Variants in HK1 observed in about 807,000 individuals in gnomAD.
The protein encoded by HK1 is hexokinase 1.
In HK1, 28 loss-of-function variants were observed where a neutral mutation model predicts 91.6. The observed-to-expected ratio is 0.31, with a 90% CI of 0.23 to 0.42. The LOEUF (loss-of-function observed/expected upper bound fraction) is 0.42, where lower values mean the gene tolerates loss of function less well. Ranked by LOEUF, HK1 falls within the 10% of genes least tolerant of loss-of-function variation. The pLI is 1.00. For missense variants in HK1, 770 were observed against 1,219.8 expected (o/e 0.63, Z 5.49); for synonymous variants, 430 against 468.1 (o/e 0.92, Z 1.05).
chr10:69,330,391 T>G (rs1289201108), intron 1 of HK1, among the ~76,000 whole-genome samples: 1 of 151,842 alleles, frequency 6.6e-6, no homozygotes, highest in Non-Finnish European at 1.5e-5. Context: ...ATCTTACATA[T>G]GGGGCAGGTG....
At chr10:69,326,853 A>C (rs1334355576) in intron 1 of HK1, among the ~76,000 whole-genome samples, 1 of 152,066 alleles carries the variant, frequency 6.6e-6, no homozygotes, top group African/African-American at 2.4e-5. Context: ...CTTTTCATGC[A>C]TGTTTTTACG....
At chr10:69,324,608 G>T (rs1426326920) in intron 1 of HK1, among the ~76,000 whole-genome samples, 2 of 152,136 alleles carry the variant, frequency 1.3e-5, no homozygotes, top group Admixed American at 1.3e-4. Context: ...AAAAAATGAA[G>T]TATTTGCTGT....
At chr10:69,301,105 G>A (rs992644342) in intron 5 of HK1, among the ~76,000 whole-genome samples, 7 of 152,010 alleles carry the variant, frequency 4.6e-5, no homozygotes, top group African/African-American at 1.7e-4. Flanking sequence ...AATTAGCCGG[G>A]TGTAGTGTTG....
chr10:69,289,460 A>ATTT (rs1564755510), intron 3 of HK1, among the ~76,000 whole-genome samples: 1,612 of 92,972 alleles, frequency 0.017, 82 homozygotes, highest in African/African-American at 0.021. Flanking sequence ...TAAAAAAAAA[A>ATTT]ATTTTTTTTT....
At chr10:69,275,452 ATT>A (rs1376935725) in intron 1 of HK1, among the ~76,000 whole-genome samples, 24 of 152,146 alleles carry the variant, frequency 1.6e-4, no homozygotes, top group Middle Eastern at 3.4e-3. Context: ...AAATTTGATC[ATT>A]TTGTTAATTT....
intron 1 of HK1, among the ~76,000 whole-genome samples, chr10:69,325,115 G>A (rs1187228099): frequency 9.3e-5 from 13 of 140,100 alleles, no homozygotes; most frequent in Non-Finnish European, 1.7e-4. Flanking sequence ...GCAGTGGCAC[G>A]ATCTCAGCTC....
At chr10:69,300,806 A>G (rs73263665) in exon 5 of HK1, 2 of 1,610,886 alleles carry the variant, frequency 1.2e-6, no homozygotes, top group East Asian at 2.2e-5. Context: ...CCAGGACATT[A>G]ATGTGCACCA....
At chr10:69,312,709 C>T (rs2132540591), upstream of HK1, among the ~76,000 whole-genome samples, 1 of 152,186 alleles carries the variant, frequency 6.6e-6, no homozygotes, top group South Asian at 2.1e-4. Context: ...GCATTTTATC[C>T]CTCTAGGGGT....
At chr10:69,386,527 T>C (rs915255007) in intron 13 of HK1, 109 bp downstream of exon 13, 2 of 821,288 alleles carry the variant, frequency 2.4e-6, no homozygotes, top group Non-Finnish European at 4.0e-6. Flanking sequence ...CTCACGCCTG[T>C]AATCCCAGCA....
intron 1 of HK1, among the ~76,000 whole-genome samples, chr10:69,272,691 G>T (rs909485445): frequency 1.3e-5 from 2 of 150,114 alleles, no homozygotes; most frequent in Non-Finnish European, 1.5e-5. Flanking sequence ...GTTTGTAAGG[G>T]TTTCTCTTTC....
chr10:69,303,358 G>T (rs1341715795), intron 5 of HK1, among the ~76,000 whole-genome samples: 1 of 152,094 alleles, frequency 6.6e-6, no homozygotes, highest in African/African-American at 2.4e-5. Flanking sequence ...CACCCAGAGG[G>T]TTCACTTTGC....
rs773169103 is a variant in HK1 at position 69,343,916 on chromosome 10, C to T, written c.153C>T (p.Leu51=). Residue 51 remains leucine (L), a synonymous_variant, in exon 2 of 18, where the codon CTC becomes CTT. Transcript: ENST00000359426. The stretch of plus-strand genomic sequence containing the variant: ...TCAGGAAGGAGATGAAGAATGGCCT[C>T]TCCCGGGATTTTAATCCAACAGCCA... ...TRFRKEMKNG[L]SRDFNPTATV... 9.9e-6 allele frequency: 16 copies of T among 1,614,048 alleles called. No individual in the cohort carries two copies. Among genetic ancestry groups the T allele is most frequent in the African/African-American group, 2.7e-5 (2 of 75,032 alleles).
chr10:69,326,855 GTT>G (rs1265774761), intron 1 of HK1, among the ~76,000 whole-genome samples: 1 of 152,002 alleles, frequency 6.6e-6, no homozygotes, highest in Non-Finnish European at 1.5e-5. Context: ...TTTCATGCAT[GTT>G]TTTACGCTTT....
At position 69,401,047 on chromosome 10, in the gene HK1, C is replaced by A. The variant is rs1198243511; in HGVS notation, c.2666C>A (p.Ser889Tyr). The A allele has an allele frequency of 6.2e-7, 1 of 1,614,246 alleles. No individual in the cohort carries two copies. The highest frequency in any genetic ancestry group is 8.5e-7 in the Non-Finnish European group (1 of 1,180,038). The change falls in exon 18 of 18, where the codon TCC (serine) becomes TAC (tyrosine). Residue 889 changes from serine (S) to tyrosine (Y), a missense_variant. By Grantham distance (144) the Ser-to-Tyr change is moderately radical. Around this residue, in one of 7 missense-constraint regions of HK1, gnomAD observed 78 missense variants for 99.0 expected, o/e 0.79. Coordinates refer to ENST00000359426, the MANE Select transcript of HK1 (RefSeq NM_000188.3). ...GAACTGTCACCAAAATGTAACGTGT[C>A]CTTCCTCCTGTCTGAGGATGGCAGC... ...VKELSPKCNV[S>Y]FLLSEDGSGK... is the part of the protein sequence containing the mutation.
chr10:69,368,488 C>A, intron 4 of HK1, 48 bp from the exon 5 acceptor site: 1 of 1,510,352 alleles, frequency 6.6e-7, no homozygotes, highest in South Asian at 1.1e-5. Flanking sequence ...CCTTGGGGTG[C>A]TGGAGGCCTC....
chr10:69,338,820 G>C, intron 1 of HK1: 5 of 676,192 alleles, frequency 7.4e-6, no homozygotes, highest in Non-Finnish European at 1.0e-5. Context: ...AAAGGAAGGA[G>C]GAGAGTAAAG....
chr10:69,321,511 C>T (rs1847027534), intron 1 of HK1, among the ~76,000 whole-genome samples: 1 of 152,218 alleles, frequency 6.6e-6, no homozygotes, highest in African/African-American at 2.4e-5. Flanking sequence ...CGTGGGCAGC[C>T]ATGATGATTC....
At chr10:69,384,610 A>G in intron 11 of HK1, 129 bp downstream of exon 11, 1 of 1,441,388 alleles carries the variant, frequency 6.9e-7, no homozygotes. Context: ...GAAGCACCAG[A>G]TGCTTTTTGC....
intron 12 of HK1, among the ~76,000 whole-genome samples, chr10:69,385,503 C>G (rs1867973): frequency 5.8e-4 from 88 of 152,158 alleles, no homozygotes; most frequent in Middle Eastern, 6.8e-3. Context: ...GCTGTCAGGG[C>G]TGGGGAGTGG....
Sources: allele counts gnomAD v4.1 joint callset (sites outside exome capture counted in the v4.1 genomes callset), GRCh38; gene constraint gnomAD v4.1.1; regional missense constraint gnomAD v4.1.1; transcripts MANE v1.5; gene names NCBI Gene and HGNC (gene_info 2026-07-23, HGNC 2026-07-21).